KAZN: variants seen among roughly 807,000 people sequenced by gnomAD.
The protein encoded by KAZN is kazrin.
Under a neutral mutation model 87.4 loss-of-function variants are expected in KAZN, and 40 were observed. That is an observed-to-expected ratio of 0.46 (90% CI 0.36 to 0.60). The LOEUF (loss-of-function observed/expected upper bound fraction) is 0.60, where lower values mean the gene tolerates loss of function less well. KAZN is among the 20% of genes least tolerant of loss of function. KAZN has a pLI of 0.00. For missense variants in KAZN, 898 were observed against 1,073.9 expected (o/e 0.84, Z 2.29); for synonymous variants, 466 against 458.3 (o/e 1.02, Z -0.22).
chr1:15,067,749 G>C (rs1356976049), intron 8 of KAZN: 1 of 985,308 alleles, frequency 1.0e-6, no homozygotes, highest in East Asian at 1.1e-4. Context: ...GGACTTTTCT[G>C]TCCTCCTTTG....
intron 2 of KAZN, among the ~76,000 whole-genome samples, chr1:14,572,899 T>C (rs765340092): frequency 6.6e-6 from 1 of 152,242 alleles, no homozygotes; most frequent in African/African-American, 2.4e-5. Context: ...ACTTACTATA[T>C]ACCTAGCACT....
At chr1:14,380,212 G>C (rs930416804) in intron 2 of KAZN, among the ~76,000 whole-genome samples, 1 of 152,158 alleles carries the variant, frequency 6.6e-6, no homozygotes, top group East Asian at 1.9e-4. Flanking sequence ...CAACACTCAA[G>C]TCATTTTGAA....
intron 2 of KAZN, among the ~76,000 whole-genome samples, chr1:14,511,595 G>A (rs749385480): frequency 1.3e-5 from 2 of 152,140 alleles, no homozygotes; most frequent in Non-Finnish European, 2.9e-5. Flanking sequence ...AATTATTTTG[G>A]CAAGAAATCT....
intron 1 of KAZN, among the ~76,000 whole-genome samples, chr1:14,947,088 C>T (rs576626027): frequency 6.6e-6 from 1 of 152,246 alleles, no homozygotes; most frequent in African/African-American, 2.4e-5. Context: ...GAGTCACACT[C>T]AGGGTGGGAA....
At chr1:14,722,326 TA>T (rs1371748775) in intron 1 of KAZN, among the ~76,000 whole-genome samples, 1 of 152,190 alleles carries the variant, frequency 6.6e-6, no homozygotes, top group Non-Finnish European at 1.5e-5. Flanking sequence ...ATATTGTTAT[TA>T]AAAGAAATTA....
intron 1 of KAZN, among the ~76,000 whole-genome samples, chr1:13,999,374 C>CA (rs1422716135): frequency 9.1e-6 from 1 of 109,580 alleles, no homozygotes; most frequent in Non-Finnish European, 1.9e-5. Context: ...AAACAAAAAA[C>CA]AAAAAAACAA....
At chr1:14,383,090 T>C (rs1179374349) in intron 2 of KAZN, among the ~76,000 whole-genome samples, 4 of 151,994 alleles carry the variant, frequency 2.6e-5, no homozygotes, top group Non-Finnish European at 5.9e-5. Context: ...CATTGTTTCA[T>C]GTGTTTTTTG....
intron 1 of KAZN, among the ~76,000 whole-genome samples, chr1:14,149,099 C>CCT (rs1557515735): frequency 8.3e-4 from 70 of 84,348 alleles, no homozygotes; most frequent in African/African-American, 3.4e-3. Context: ...TCCTTTCTTT[C>CCT]TTTCCTTTTT....
chr1:14,698,230 G>C (rs1641722146), intron 1 of KAZN, among the ~76,000 whole-genome samples: 1 of 152,180 alleles, frequency 6.6e-6, no homozygotes, highest in South Asian at 2.1e-4. Context: ...TTCAGCTTCA[G>C]GTCCCCATTT....
chr1:14,784,141 C>T (rs112687559), intron 1 of KAZN, among the ~76,000 whole-genome samples: 4 of 152,182 alleles, frequency 2.6e-5, no homozygotes, highest in African/African-American at 9.7e-5. Context: ...GGTGAAGCTG[C>T]TGCCTCGGGT....
At chr1:14,620,406 C>G (rs1318294383) in intron 1 of KAZN, among the ~76,000 whole-genome samples, 1 of 152,194 alleles carries the variant, frequency 6.6e-6, no homozygotes, top group African/African-American at 2.4e-5. Context: ...GTGATCATTC[C>G]TATAATTATC....
intron 2 of KAZN, among the ~76,000 whole-genome samples, chr1:14,454,373 G>T (rs186825575): frequency 6.6e-6 from 1 of 152,226 alleles, no homozygotes; most frequent in East Asian, 1.9e-4. Context: ...CTAACCATGT[G>T]CTGAGAGTAT....
chr1:14,395,601 C>T (rs1031880782), intron 2 of KAZN, among the ~76,000 whole-genome samples: 9 of 152,098 alleles, frequency 5.9e-5, no homozygotes, highest in Non-Finnish European at 1.0e-4. Flanking sequence ...TTACTTACCC[C>T]GACACCTCCT....
intron 1 of KAZN, among the ~76,000 whole-genome samples, chr1:14,138,697 A>T (rs184161903): frequency 2.6e-5 from 4 of 152,164 alleles, no homozygotes; most frequent in East Asian, 1.9e-4. Context: ...TAGCTCCCCC[A>T]TCGCACCATC....
At chr1:13,954,241 C>G (rs368968392) in intron 1 of KAZN, among the ~76,000 whole-genome samples, 5 of 152,282 alleles carry the variant, frequency 3.3e-5, no homozygotes, top group Admixed American at 6.5e-5. Context: ...AACCAACCAA[C>G]CAAACAAACA....
At chr1:14,374,821 A>C (rs1466620592) in intron 2 of KAZN, among the ~76,000 whole-genome samples, 1 of 152,226 alleles carries the variant, frequency 6.6e-6, no homozygotes, top group Admixed American at 6.5e-5. Flanking sequence ...TGCATGCATC[A>C]AAACAGGCAG....
chr1:13,994,831 C>T (rs1244074242), intron 1 of KAZN, among the ~76,000 whole-genome samples: 2 of 151,882 alleles, frequency 1.3e-5, no homozygotes, highest in Admixed American at 1.3e-4. Flanking sequence ...AGATGGAAAG[C>T]ATGCACAAAG....
At position 14,413,593 on chromosome 1, in the gene KAZN, GAAAAAAAAAAAAAA is replaced by G. The variant is rs1169921344; in HGVS notation, c.250-185377_250-185364del. ...AACAGTGTGAAACTCCGTCTCAAAA[GAAAAAAAAAAAAAA>G]AAAAAAAAAAAACGCATTTAAGAGA... On this transcript the variant is annotated intron_variant, in intron 2 of 16. Coordinates refer to the KAZN transcript ENST00000636203. Among the ~76,000 whole-genome samples, 246 of 66,122 alleles carry G rather than the reference GAAAAAAAAAAAAAA, an allele frequency of 3.7e-3. 3 individuals carry two copies. Among genetic ancestry groups the G allele is most frequent in the African/African-American group, 0.015 (233 of 15,944 alleles). The allele number at this position is 66,122 out of a possible 152,430, so 43.4% of individuals were successfully genotyped here.
intron 1 of KAZN, among the ~76,000 whole-genome samples, chr1:14,048,699 C>T (rs1322162074): frequency 6.6e-6 from 1 of 152,230 alleles, no homozygotes; most frequent in Non-Finnish European, 1.5e-5. Context: ...GCCACTGCGC[C>T]TGGCCTAAAA....
Sources: gnomAD v4.1 joint callset for allele counts (sites outside exome capture counted in the v4.1 genomes callset) on GRCh38, gnomAD v4.1.1 for gene constraint, MANE v1.5 for transcripts, NCBI Gene and HGNC (gene_info 2026-07-23, HGNC 2026-07-21) for gene names.